SLC9C1: variants seen among roughly 807,000 people sequenced by gnomAD.
SLC9C1 encodes sodium/hydrogen exchanger 10.
Under a neutral mutation model 140.9 loss-of-function variants are expected in SLC9C1, and 97 were observed. That is an observed-to-expected ratio of 0.69 (90% CI 0.58 to 0.82). The LOEUF (loss-of-function observed/expected upper bound fraction) is 0.82. Ranked by LOEUF, SLC9C1 falls within the 40% of genes least tolerant of loss-of-function variation. SLC9C1 has a pLI of 0.00. For missense variants in SLC9C1, 1,340 were observed against 1,389.3 expected, an observed-to-expected ratio of 0.96 and a Z score of 0.56; for synonymous variants, 440 against 442.6, an observed-to-expected ratio of 0.99 and a Z score of 0.07.
At position 112,277,773 on chromosome 3, in the gene SLC9C1, G is replaced by A. The variant is rs756512244; in HGVS notation, c.406C>T (p.Pro136Ser). 1 of 1,612,554 alleles carries A rather than the reference G, an allele frequency of 6.2e-7. No individual in the cohort carries two copies. Among genetic ancestry groups the A allele is most frequent in the African/African-American group, 1.3e-5 (1 of 74,828 alleles). The part of the protein sequence containing the change: ...LASVNQLLLK[P>S]TQWLLFSAIL... Reference sequence around the variant, plus strand: ...GCTGAAAATAATAACCATTGGGTAGGCTTCAAAAGTAATTGATTTACAGAT... The same window carrying A: ...GCTGAAAATAATAACCATTGGGTAGACTTCAAAAGTAATTGATTTACAGAT... Residue 136 changes from proline to serine, a missense_variant, in exon 5 of 29, where the codon CCT becomes TCT. Coordinates refer to ENST00000305815, the MANE Select transcript of SLC9C1 (RefSeq NM_183061.3).
chr3:112,146,523 A>G (rs1462131384), intron 28 of SLC9C1, among the ~76,000 whole-genome samples: 1 of 152,050 alleles, frequency 6.6e-6, no homozygotes, highest in Admixed American at 6.6e-5. Flanking sequence ...TCTTTCATTT[A>G]TTTCAAAGTT....
chr3:112,167,243 AC>A lies in SLC9C1; in HGVS notation c.3341del (p.Ser1114IlefsTer7), dbSNP rs1393322750. 6.2e-7 allele frequency: 1 copy of A among 1,608,646 alleles called. No homozygotes were observed. The highest frequency in any genetic ancestry group is 8.5e-7 in the Non-Finnish European group (1 of 1,178,028). ...CACCTATTAATCCTGGTGTAAGATA[AC>A]TTTTATGTTTAGGAACAAACTTTCT... is the stretch of plus-strand genomic sequence containing the variant. ...NIRKFVPKHK[S>X]YLTPGLIGSV... On this transcript the variant is annotated frameshift_variant, in exon 26 of 29. Transcript: ENST00000305815. LOFTEE classifies it high-confidence loss of function.
chr3:112,240,020 AC>A lies in SLC9C1; in HGVS notation c.1280-15del. 6.3e-7 allele frequency: 1 copy of A among 1,597,272 alleles called. No homozygotes were observed. The highest frequency in any genetic ancestry group is 2.2e-5 in the East Asian group (1 of 44,544). ...CATCACGAAGACCTTTGATACAAAC[AC>A]ACATTTGATAAATAGTAGAAACACC... is the stretch of plus-strand genomic sequence containing the variant. On this transcript the variant is annotated splice_polypyrimidine_tract_variant and intron_variant, in intron 11 of 28. Coordinates refer to ENST00000305815, the MANE Select transcript of SLC9C1 (RefSeq NM_183061.3).
intron 21 of SLC9C1, among the ~76,000 whole-genome samples, 166 bp from the exon 22 acceptor site, chr3:112,180,828 T>G (rs536218913): frequency 1.4e-4 from 22 of 152,308 alleles, no homozygotes; most frequent in African/African-American, 4.8e-4. Flanking sequence ...CTCCCCCTCC[T>G]GGGTTCAAGC....
intron 28 of SLC9C1, among the ~76,000 whole-genome samples, chr3:112,147,993 CAG>C (rs1412042342): frequency 2.6e-5 from 4 of 152,116 alleles, no homozygotes; most frequent in African/African-American, 9.7e-5. Context: ...TTCAGGCAGA[CAG>C]GGTTAGTTCA....
intron 1 of SLC9C1, among the ~76,000 whole-genome samples, chr3:112,292,845 A>T (rs62278762): frequency 6.6e-6 from 1 of 151,188 alleles, no homozygotes. Flanking sequence ...GCCCGGCCAC[A>T]GGTTTTCAAT....
intron 23 of SLC9C1, among the ~76,000 whole-genome samples, chr3:112,179,148 A>G (rs2077392906): frequency 6.6e-6 from 1 of 152,168 alleles, no homozygotes; most frequent in Non-Finnish European, 1.5e-5. Flanking sequence ...TTTGTTCTCA[A>G]TCATGTGTAG....
chr3:112,156,097 T>C (rs1055038217), intron 26 of SLC9C1, among the ~76,000 whole-genome samples: 3 of 152,110 alleles, frequency 2.0e-5, no homozygotes, highest in Admixed American at 2.0e-4. Context: ...TACTAGAACT[T>C]TTCCCCTCTA....
At chr3:112,269,857 A>G in intron 7 of SLC9C1, 59 bp downstream of exon 7, 1 of 1,392,486 alleles carries the variant, frequency 7.2e-7, no homozygotes, top group East Asian at 2.5e-5. Flanking sequence ...CATTTTTCAT[A>G]TATTTTTATT....
chr3:112,185,976 C>T, intron 20 of SLC9C1: 1 of 1,555,166 alleles, frequency 6.4e-7, no homozygotes, highest in Non-Finnish European at 8.6e-7. Context: ...CTCTCTGCTG[C>T]CGGCTGGGAC....
chr3:112,234,337 T>C (rs1008793524), intron 12 of SLC9C1, among the ~76,000 whole-genome samples: 2 of 152,356 alleles, frequency 1.3e-5, no homozygotes, highest in Admixed American at 6.5e-5. Context: ...TTGTTTTTAC[T>C]TGTAAATCTC....
chr3:112,260,509 T>C (rs140868183), intron 10 of SLC9C1, among the ~76,000 whole-genome samples: 3 of 152,274 alleles, frequency 2.0e-5, no homozygotes, highest in Non-Finnish European at 4.4e-5. Context: ...GATTTTAGGC[T>C]ACATATTGTG....
chr3:112,279,043 AT>A, intron 3 of SLC9C1, 186 bp from the exon 4 acceptor site: 1 of 487,270 alleles, frequency 2.1e-6, no homozygotes, highest in South Asian at 2.7e-5. Context: ...TGTAGAAGAT[AT>A]GTGTGGAAGA....
intron 26 of SLC9C1, among the ~76,000 whole-genome samples, chr3:112,161,662 T>C (rs2075303370): frequency 6.6e-6 from 1 of 152,122 alleles, no homozygotes; most frequent in Admixed American, 6.6e-5. Context: ...CATGCTGTTT[T>C]GGTTACTGCA....
chr3:112,192,455 TTCCATTGTA>T (rs2077683166), intron 20 of SLC9C1, among the ~76,000 whole-genome samples: 1 of 152,204 alleles, frequency 6.6e-6, no homozygotes, highest in Admixed American at 6.5e-5. Flanking sequence ...TTAAATAAAA[TTCCATTGTA>T]TGTATATACC....
intron 20 of SLC9C1, among the ~76,000 whole-genome samples, chr3:112,197,533 C>T (rs1208692806): frequency 1.3e-5 from 2 of 152,096 alleles, no homozygotes; most frequent in East Asian, 3.9e-4. Context: ...TGAGGAGTAG[C>T]TATTACTGTG....
At chr3:112,157,960 C>A (rs1282466933) in intron 26 of SLC9C1, among the ~76,000 whole-genome samples, 1 of 151,978 alleles carries the variant, frequency 6.6e-6, no homozygotes, top group Non-Finnish European at 1.5e-5. Context: ...ATGTCATCTG[C>A]AAACGAGAAT....
At chr3:112,196,492 CTT>C (rs1416671815) in intron 20 of SLC9C1, among the ~76,000 whole-genome samples, 1 of 152,026 alleles carries the variant, frequency 6.6e-6, no homozygotes, top group African/African-American at 2.4e-5. Flanking sequence ...CCTTCTCTCT[CTT>C]GGACTCCCAC....
chr3:112,148,616 A>G (rs1265006720), intron 28 of SLC9C1, among the ~76,000 whole-genome samples: 2 of 152,156 alleles, frequency 1.3e-5, no homozygotes, highest in African/African-American at 4.8e-5. Context: ...AAGCCTGTAG[A>G]TGGTACTTAC....
Sources: allele counts gnomAD v4.1 joint callset (sites outside exome capture counted in the v4.1 genomes callset), GRCh38; gene constraint gnomAD v4.1.1; transcripts MANE v1.5; gene names NCBI Gene and HGNC (gene_info 2026-07-23, HGNC 2026-07-21).